The following LRMDA variants were observed in gnomAD, a reference collection of about 807,000 sequenced individuals.
LRMDA encodes the protein leucine-rich melanocyte differentiation-associated protein.
LRMDA carries 18 observed loss-of-function variants against 29.8 expected under a neutral mutation model. The ratio of observed to expected loss-of-function variants is 0.60; its 90% CI spans 0.42 to 0.90. The LOEUF is 0.90. LRMDA is among the 40% of genes least tolerant of loss of function. LRMDA has a pLI of 0.00. For synonymous variants in LRMDA, 125 were observed against 109.4 expected, an observed-to-expected ratio of 1.14 and a Z score of -0.89; for missense variants, 273 against 273.9, an observed-to-expected ratio of 1.00 and a Z score of 0.02.
At chr10:76,103,613 A>T (rs1849431518) in intron 5 of LRMDA, among the ~76,000 whole-genome samples, 1 of 152,266 alleles carries the variant, frequency 6.6e-6, no homozygotes, top group South Asian at 2.1e-4. Flanking sequence ...TAATGTATTC[A>T]TAAATTCAAG....
intron 2 of LRMDA, among the ~76,000 whole-genome samples, chr10:76,030,566 G>A (rs868629838): frequency 1.3e-4 from 20 of 152,232 alleles, no homozygotes; most frequent in African/African-American, 2.9e-4. Context: ...TGAGGGGGGC[G>A]GATTATGAGG....
intron 2 of LRMDA, among the ~76,000 whole-genome samples, chr10:75,502,882 A>T (rs1460857960): frequency 6.6e-6 from 1 of 152,216 alleles, no homozygotes; most frequent in Admixed American, 6.5e-5. Flanking sequence ...TTCCCTGTCC[A>T]GTCCTGCAGT....
chr10:76,473,713 T>C (rs1842640893), intron 6 of LRMDA, among the ~76,000 whole-genome samples: 1 of 151,502 alleles, frequency 6.6e-6, no homozygotes, highest in Non-Finnish European at 1.5e-5. Context: ...TCCATCGTAA[T>C]TGTGAAATTA....
intron 5 of LRMDA, among the ~76,000 whole-genome samples, chr10:76,184,505 A>G (rs1233870372): frequency 6.6e-6 from 1 of 152,242 alleles, no homozygotes; most frequent in Non-Finnish European, 1.5e-5. Flanking sequence ...ACAAAGTGCT[A>G]TCTCATGCCT....
chr10:76,338,274 A>G (rs12253850), intron 6 of LRMDA, among the ~76,000 whole-genome samples: 16,119 of 151,982 alleles, frequency 0.11, 1,015 homozygotes, highest in East Asian at 0.33. Flanking sequence ...GACTGCTTGA[A>G]TCCAGGAGTT....
intron 2 of LRMDA, among the ~76,000 whole-genome samples, chr10:75,944,246 C>T (rs1846441748): frequency 6.6e-6 from 1 of 152,110 alleles, no homozygotes; most frequent in Non-Finnish European, 1.5e-5. Flanking sequence ...TCTCTGGCCT[C>T]CATTGTTTCT....
intron 2 of LRMDA, among the ~76,000 whole-genome samples, chr10:75,561,885 G>T (rs566661965): frequency 1.3e-5 from 2 of 152,116 alleles, no homozygotes; most frequent in East Asian, 3.9e-4. Flanking sequence ...ATTGCACCGT[G>T]GCCTGAGTGA....
At chr10:76,237,306 C>T (rs1852170315) in intron 5 of LRMDA, among the ~76,000 whole-genome samples, 1 of 151,900 alleles carries the variant, frequency 6.6e-6, no homozygotes, top group African/African-American at 2.4e-5. Flanking sequence ...GATAATTATA[C>T]ATAAAAATAA....
intron 2 of LRMDA, among the ~76,000 whole-genome samples, chr10:75,672,906 T>C (rs1841916780): frequency 6.6e-6 from 1 of 151,416 alleles, no homozygotes; most frequent in Non-Finnish European, 1.5e-5. Context: ...TGGCTTTTAA[T>C]GGTTCCTAGT....
intron 6 of LRMDA, among the ~76,000 whole-genome samples, chr10:76,517,844 G>A: frequency 6.6e-6 from 1 of 151,140 alleles, no homozygotes; most frequent in East Asian, 1.9e-4. Context: ...AGATTTTTTA[G>A]ATCAGCAATT....
chr10:75,431,744 G>A lies in LRMDA; in HGVS notation c.20G>A (p.Arg7His), dbSNP rs1440149325. ...GCCGCCATGGCCGGGCTCGTGGTGC[G>A]TGGAACTCAAGTAAGTCCCGGCCAG... The part of the protein sequence containing the change: MAGLVV[R>H]GTQVSYIGQD... The change falls in exon 1 of 7, where the codon CGT (arginine) becomes CAT (histidine). Residue 7 changes from arginine to histidine, a missense_variant. Physicochemically the swap from Arg to His is conservative, Grantham distance 29. Transcript: ENST00000611255. The A allele has an allele frequency of 7.3e-7, 1 of 1,374,330 alleles. No individual in the cohort carries two copies. 85.1% of individuals were successfully genotyped at this position (1,374,330 alleles called of 1,614,324 possible).
At chr10:75,854,848 G>C (rs368284049) in intron 2 of LRMDA, among the ~76,000 whole-genome samples, 1 of 152,022 alleles carries the variant, frequency 6.6e-6, no homozygotes, top group Non-Finnish European at 1.5e-5. Context: ...ATAGTTTGCT[G>C]AGAATGATGG....
At chr10:75,529,534 C>A (rs558968358) in intron 2 of LRMDA, among the ~76,000 whole-genome samples, 1 of 152,056 alleles carries the variant, frequency 6.6e-6, no homozygotes, top group Non-Finnish European at 1.5e-5. Flanking sequence ...GGGTCATGGG[C>A]GAGGGAGATC....
chr10:75,512,694 G>C (rs1845239220), intron 2 of LRMDA, among the ~76,000 whole-genome samples: 1 of 152,122 alleles, frequency 6.6e-6, no homozygotes, highest in African/African-American at 2.4e-5. Flanking sequence ...AGCAGCAGCG[G>C]CTGCGGTGGG....
At chr10:75,792,938 T>C (rs1356983070) in intron 2 of LRMDA, among the ~76,000 whole-genome samples, 1 of 152,210 alleles carries the variant, frequency 6.6e-6, no homozygotes, top group Non-Finnish European at 1.5e-5. Context: ...GGTTCTGGTA[T>C]GATAGCAGTG....
chr10:75,507,050 C>G (rs2132029773), intron 2 of LRMDA, among the ~76,000 whole-genome samples: 1 of 151,332 alleles, frequency 6.6e-6, no homozygotes, highest in South Asian at 2.1e-4. Flanking sequence ...AACCCAGATG[C>G]TCATTCAGGT....
At chr10:75,519,375 G>A (rs1845329832) in intron 2 of LRMDA, among the ~76,000 whole-genome samples, 1 of 152,136 alleles carries the variant, frequency 6.6e-6, no homozygotes, top group Non-Finnish European at 1.5e-5. Flanking sequence ...TTATGACTCT[G>A]GGTGCATATG....
intron 2 of LRMDA, among the ~76,000 whole-genome samples, chr10:75,732,095 T>C (rs1308262308): frequency 6.6e-6 from 1 of 151,350 alleles, no homozygotes; most frequent in East Asian, 1.9e-4. Context: ...TATGGAAATA[T>C]GAATTTGTGA....
At chr10:75,855,398 C>T (rs1844808374) in intron 2 of LRMDA, among the ~76,000 whole-genome samples, 1 of 152,146 alleles carries the variant, frequency 6.6e-6, no homozygotes, top group Admixed American at 6.5e-5. Context: ...ATCCTTCGCC[C>T]ACTTTTTGAT....
Sources: allele counts gnomAD v4.1 joint callset (sites outside exome capture counted in the v4.1 genomes callset), GRCh38; gene constraint gnomAD v4.1.1; transcripts MANE v1.5; gene names NCBI Gene and HGNC (gene_info 2026-07-23, HGNC 2026-07-21).